The following SLC22A4 variants were observed in gnomAD, a reference collection of about 807,000 sequenced individuals.
SLC22A4 encodes solute carrier family 22 member 4.
A neutral mutation model predicts 56.6 loss-of-function variants in SLC22A4; 39 were observed. The observed-to-expected ratio is 0.69, with a 90% CI of 0.53 to 0.90. The LOEUF (loss-of-function observed/expected upper bound fraction) is 0.90. Among genes scored for constraint, SLC22A4 ranks in the 40% least tolerant of loss-of-function variants. The pLI is 0.00. For synonymous variants in SLC22A4, 241 were observed against 281.4 expected (o/e 0.86, Z 1.44); for missense variants, 594 against 696.5 (o/e 0.85, Z 1.66).
At chr5:132,306,202 C>T (rs1306005191) in intron 1 of SLC22A4, among the ~76,000 whole-genome samples, 12 of 151,040 alleles carry the variant, frequency 7.9e-5, no homozygotes, top group African/African-American at 2.2e-4. Flanking sequence ...ATATACTTAC[C>T]GTATGACCCA....
intron 4 of SLC22A4, 147 bp from the exon 5 acceptor site, chr5:132,327,130 A>G (rs1354702358): frequency 9.7e-6 from 6 of 620,722 alleles, no homozygotes; most frequent in East Asian, 2.9e-5. Context: ...ATTTATTCCT[A>G]TGCTCCAATA....
intron 6 of SLC22A4, among the ~76,000 whole-genome samples, chr5:132,333,658 C>T (rs796290825): frequency 5.9e-5 from 9 of 151,756 alleles, no homozygotes; most frequent in South Asian, 2.1e-4. Flanking sequence ...GGTTAAAAGG[C>T]TATAATTGCA....
rs1264182971 is a variant in SLC22A4 at position 132,294,792 on chromosome 5, G to A, written c.176G>A (p.Ser59Asn). The change falls in exon 1 of 10, where the codon AGC becomes AAC. Residue 59 changes from serine (S) to asparagine (N), a missense_variant. Physicochemically the swap from Ser to Asn is conservative, Grantham distance 46. Transcript: ENST00000200652. The surrounding 1 kb of genome is among the most constrained non-coding windows in gnomAD (Gnocchi z 5.6). ...RCRVPDAANLSSAWRNNSVPL... is the reference protein window; with the variant it reads ...RCRVPDAANLNSAWRNNSVPL... ...CGAGTGCCGGACGCCGCGAACCTGAGCAGCGCCTGGCGCAACAACAGTGTC... is the reference window on the plus strand; with the variant it reads ...CGAGTGCCGGACGCCGCGAACCTGAACAGCGCCTGGCGCAACAACAGTGTC... 1.9e-6 allele frequency: 3 copies of A among 1,613,090 alleles called. No homozygotes were observed. The highest frequency in any genetic ancestry group is 1.1e-5 in the South Asian group (1 of 91,074).
chr5:132,318,557 A>T (rs1282009084), intron 3 of SLC22A4, among the ~76,000 whole-genome samples: 1 of 152,070 alleles, frequency 6.6e-6, no homozygotes, highest in Non-Finnish European at 1.5e-5. Context: ...ATGAAGGTGC[A>T]TGTCCTGCCT....
At chr5:132,324,407 C>G in intron 4 of SLC22A4, 1 of 429,324 alleles carries the variant, frequency 2.3e-6, no homozygotes, top group Admixed American at 2.7e-5. Context: ...AGGTCCATCC[C>G]ACAGGGAGCC....
intron 8 of SLC22A4, among the ~76,000 whole-genome samples, chr5:132,337,270 T>TAA (rs536577411): frequency 0.11 from 14,857 of 135,948 alleles, 1,334 homozygotes; most frequent in East Asian, 0.28. Flanking sequence ...AAAGATTACC[T>TAA]TTTTTTTTTT....
At chr5:132,304,762 G>C (rs1231600205) in intron 1 of SLC22A4, among the ~76,000 whole-genome samples, 1 of 151,990 alleles carries the variant, frequency 6.6e-6, no homozygotes, top group South Asian at 2.1e-4. Context: ...ACCTATACAT[G>C]GGGGGAAAAC....
rs192041547 is a variant in SLC22A4, at chr5:132,312,514, A to C, written c.497+250A>C. On this transcript the variant is annotated intron_variant, in intron 2 of 9. Coordinates refer to ENST00000200652, the MANE Select transcript of SLC22A4 (RefSeq NM_003059.3). ...CTTTGGCCAGTGGTGGGGAGGGGCC[A>C]CTGACCCCACTGGAAAGTGGGGTCC... 3.0e-4 allele frequency among the ~76,000 whole-genome samples: 45 copies of C among 152,272 alleles called. 1 individual carries two copies. In the East Asian group the frequency reaches 8.5e-3, roughly 29 times the overall value.
rs375398349 is a variant in SLC22A4, at chr5:132,340,598, T to C, written c.1478T>C (p.Met493Thr). 3.8e-5 allele frequency: 61 copies of C among 1,613,910 alleles called. No individual in the cohort carries two copies. Among genetic ancestry groups the C allele is most frequent in the Non-Finnish European group, 4.8e-5 (57 of 1,179,898 alleles). The change falls in exon 9 of 10, where the codon ATG (methionine) becomes ACG (threonine). Residue 493 changes from methionine (M) to threonine (T), a missense_variant. Transcript: ENST00000200652. ...AACAGAATGCTGCCCTACATCGTCA[T>C]GGGTAGTCTGACTGTCCTGATTGGA... ...AYNRMLPYIV[M>T]GSLTVLIGIL...
At chr5:132,332,268 C>T (rs1750881338) in intron 6 of SLC22A4, 3 of 283,288 alleles carry the variant, frequency 1.1e-5, no homozygotes, top group Non-Finnish European at 2.1e-5. Flanking sequence ...GAGCCTTGAT[C>T]GCACTACTGT....
At chr5:132,327,114 G>A (rs1270659427) in intron 4 of SLC22A4, among the ~76,000 whole-genome samples, 163 bp from the exon 5 acceptor site, 3 of 152,104 alleles carry the variant, frequency 2.0e-5, no homozygotes, top group Admixed American at 6.6e-5. Flanking sequence ...ACTTGAAGGT[G>A]GTTTTATTTA....
chr5:132,306,396 T>C (rs1355403973), intron 1 of SLC22A4, among the ~76,000 whole-genome samples: 3 of 22,520 alleles, frequency 1.3e-4, no homozygotes, highest in East Asian at 4.2e-3. Flanking sequence ...TATATATATA[T>C]ATATATATAT....
chr5:132,299,333 G>A (rs537697896), intron 1 of SLC22A4, among the ~76,000 whole-genome samples: 3 of 152,114 alleles, frequency 2.0e-5, no homozygotes, highest in South Asian at 2.1e-4. Flanking sequence ...CTTCTTCAGG[G>A]GTTGATTGTG....
chr5:132,313,292 G>A (rs1370629187), intron 2 of SLC22A4, among the ~76,000 whole-genome samples: 1 of 152,180 alleles, frequency 6.6e-6, no homozygotes, highest in Non-Finnish European at 1.5e-5. Flanking sequence ...AATCTGTGCT[G>A]TACCCACTTT....
chr5:132,339,572 C>T lies in SLC22A4; in HGVS notation c.1445-993C>T, dbSNP rs549176754. ...CTTACAGAGAAAGAGAAACATTTTC[C>T]TAACAAACATATTCTGCACAGTTGC... On this transcript the variant is annotated intron_variant, in intron 8 of 9. Transcript: ENST00000200652. 2.0e-5 allele frequency among the ~76,000 whole-genome samples: 3 copies of T among 151,996 alleles called. No homozygotes were observed. The South Asian group carries it at 6.2e-4, about 32-fold the overall frequency.
chr5:132,322,046 C>A, intron 3 of SLC22A4, 138 bp from the exon 4 acceptor site: 1 of 777,242 alleles, frequency 1.3e-6, no homozygotes, highest in Non-Finnish European at 2.2e-6. Flanking sequence ...CCTGACCATG[C>A]CTGCTCTGGG....
At chr5:132,316,415 A>G (rs2126715958) in intron 3 of SLC22A4, among the ~76,000 whole-genome samples, 1 of 152,256 alleles carries the variant, frequency 6.6e-6, no homozygotes, top group Non-Finnish European at 1.5e-5. Flanking sequence ...CCCACGTTCC[A>G]GCTCCCCTCA....
Position 132,312,150 on chromosome 5 carries a change from T to C in SLC22A4, c.394-11T>C. ...GGTTGGGCTCACGCTTCATGCTGTCTTCCTTGGCAGTGGAATCTGGTGTGT... is the reference window on the plus strand; with the variant it reads ...GGTTGGGCTCACGCTTCATGCTGTCCTCCTTGGCAGTGGAATCTGGTGTGT... On this transcript the variant is annotated splice_polypyrimidine_tract_variant and intron_variant, in intron 1 of 9. Transcript: ENST00000200652. The C allele has an allele frequency of 6.4e-6, 10 of 1,569,686 alleles. No homozygotes were observed. Among genetic ancestry groups the C allele is most frequent in the Non-Finnish European group, 7.9e-6 (9 of 1,139,402 alleles).
intron 5 of SLC22A4, among the ~76,000 whole-genome samples, chr5:132,330,557 C>T (rs1402222140): frequency 6.6e-6 from 1 of 152,122 alleles, no homozygotes; most frequent in Non-Finnish European, 1.5e-5. Flanking sequence ...GAAACCCCAT[C>T]TCTACTAAAA....
Sources: allele counts gnomAD v4.1 joint callset (sites outside exome capture counted in the v4.1 genomes callset), GRCh38; gene constraint gnomAD v4.1.1; non-coding constraint Gnocchi (gnomAD v3.1); transcripts MANE v1.5; gene names NCBI Gene and HGNC (gene_info 2026-07-23, HGNC 2026-07-21).